FAM219A: variants seen among roughly 807,000 people sequenced by gnomAD.
The protein encoded by FAM219A is family with sequence similarity 219 member A.
FAM219A carries 7 observed loss-of-function variants against 23.4 expected under a neutral mutation model. The observed-to-expected ratio is 0.30, with a 90% CI of 0.17 to 0.56. The LOEUF is 0.56. FAM219A is among the 20% of genes least tolerant of loss of function. The probability of loss-of-function intolerance (pLI) is 0.92; values close to 1 mark genes in which losing one functional copy is unlikely to be tolerated. For synonymous variants in FAM219A, 93 were observed against 99.0 expected (o/e 0.94, Z 0.36); for missense variants, 166 against 246.9 (o/e 0.67, Z 2.20).
chr9:34,407,166 G>A (rs940849649), intron 1 of FAM219A, among the ~76,000 whole-genome samples: 3 of 151,962 alleles, frequency 2.0e-5, no homozygotes, highest in Admixed American at 6.6e-5. Context: ...ATCCAGGGCC[G>A]TGCAAGTGGC....
intron 1 of FAM219A, among the ~76,000 whole-genome samples, chr9:34,415,996 G>A (rs988818680): frequency 6.6e-6 from 1 of 151,846 alleles, no homozygotes. Flanking sequence ...AGGCAAGATA[G>A]CAAGAAGGTG....
intron 1 of FAM219A, among the ~76,000 whole-genome samples, 164 bp from the exon 2 acceptor site, chr9:34,406,128 G>A (rs141274394): frequency 7.9e-4 from 121 of 152,300 alleles, no homozygotes; most frequent in African/African-American, 2.8e-3. Context: ...CCCATCTACC[G>A]TGGGACAAAA....
chr9:34,416,813 T>TC, intron 1 of FAM219A, among the ~76,000 whole-genome samples: 1 of 131,756 alleles, frequency 7.6e-6, no homozygotes, highest in Non-Finnish European at 1.8e-5. Context: ...TCTCCATTTT[T>TC]TTTTTTTTTT....
chr9:34,415,245 A>G (rs929143496), intron 1 of FAM219A, among the ~76,000 whole-genome samples: 1 of 152,200 alleles, frequency 6.6e-6, no homozygotes, highest in African/African-American at 2.4e-5. Flanking sequence ...GTTCACCAAA[A>G]AGAAATGGGA....
chr9:34,432,819 C>G (rs77105300), intron 1 of FAM219A, among the ~76,000 whole-genome samples: 2,367 of 152,196 alleles, frequency 0.016, 55 homozygotes, highest in African/African-American at 0.052. Flanking sequence ...AAAAATGGGG[C>G]AGGGGCGGTG....
intron 1 of FAM219A, among the ~76,000 whole-genome samples, chr9:34,416,222 A>AGAAG (rs1822004454): frequency 7.5e-6 from 1 of 132,714 alleles, no homozygotes; most frequent in African/African-American, 2.9e-5. Context: ...AAAGAAAGAA[A>AGAAG]GAAAGAAAGA....
At chr9:34,452,960 A>G (rs1823608251) in intron 1 of FAM219A, among the ~76,000 whole-genome samples, 1 of 152,158 alleles carries the variant, frequency 6.6e-6, no homozygotes, top group African/African-American at 2.4e-5. Context: ...ATTCTGTGCT[A>G]TTGAGCCCAG....
intron 1 of FAM219A, among the ~76,000 whole-genome samples, chr9:34,427,771 T>C (rs1341307026): frequency 1.3e-4 from 20 of 152,212 alleles, no homozygotes; most frequent in Admixed American, 1.3e-3. Context: ...CATTTTGTGC[T>C]CTTTGTAGGA....
intron 1 of FAM219A, among the ~76,000 whole-genome samples, chr9:34,415,341 T>TTAC (rs1821962929): frequency 6.6e-6 from 1 of 152,232 alleles, no homozygotes; most frequent in Admixed American, 6.5e-5. Context: ...AAACAGCTGC[T>TTAC]AGTATAGAAT....
In FAM219A at chr9:34,434,832, T is replaced by C. The variant is rs149846423; in HGVS notation, c.60+23372A>G. On this transcript the variant is annotated intron_variant, in intron 1 of 5. Coordinates refer to ENST00000651358, the MANE Select transcript of FAM219A (RefSeq NM_001184940.2). ...GATGGTTTTCTTTCTTTCTTTCTTT[T>C]TTTTTGAGACAGAGTCTCACTCTGT... Among the ~76,000 whole-genome samples, 1,258 of 152,222 alleles carry C rather than the reference T, an allele frequency of 8.3e-3. 15 individuals are homozygous for C. Among genetic ancestry groups the C allele is most frequent in the African/African-American group, 0.027 (1,118 of 41,494 alleles).
At chr9:34,407,763 G>C (rs1821690151) in intron 1 of FAM219A, among the ~76,000 whole-genome samples, 1 of 152,252 alleles carries the variant, frequency 6.6e-6, no homozygotes, top group Admixed American at 6.5e-5. Flanking sequence ...ATCCAAGGCT[G>C]CTGCCTGTTC....
intron 1 of FAM219A, among the ~76,000 whole-genome samples, chr9:34,438,328 C>T (rs1013682154): frequency 7.2e-5 from 11 of 152,346 alleles, no homozygotes; most frequent in South Asian, 2.1e-4. Flanking sequence ...CTGAGGAGTG[C>T]GGGCGCATGG....
At chr9:34,451,910 A>G (rs1404386864) in intron 1 of FAM219A, among the ~76,000 whole-genome samples, 3 of 152,198 alleles carry the variant, frequency 2.0e-5, no homozygotes, top group African/African-American at 4.8e-5. Flanking sequence ...GACATCTTGC[A>G]GTGATGTAGT....
intron 1 of FAM219A, among the ~76,000 whole-genome samples, chr9:34,453,959 G>C (rs879854681): frequency 7.9e-5 from 12 of 152,192 alleles, no homozygotes; most frequent in Non-Finnish European, 1.3e-4. Flanking sequence ...TGGGCTGCTG[G>C]GAACTTCTCT....
chr9:34,416,273 G>GGGAAGGAAGGAAGGAAGGAAGGAA lies in FAM219A; in HGVS notation c.61-10333_61-10310dup, dbSNP rs74180565. On this transcript the variant is annotated intron_variant, in intron 1 of 5. Coordinates refer to ENST00000651358, the MANE Select transcript of FAM219A (RefSeq NM_001184940.2). ...AAAGAAAGAAAGGGGGAGGGAGGGA[G>GGGAAGGAAGGAAGGAAGGAAGGAA]GGAAGGAAGGAAGGAAGGAAGGAAG... Among the ~76,000 whole-genome samples, 222 of 114,162 alleles carry GGGAAGGAAGGAAGGAAGGAAGGAA rather than the reference G, an allele frequency of 1.9e-3. 5 individuals carry two copies. The highest frequency in any genetic ancestry group is 4.9e-3 in the African/African-American group (140 of 28,498). The allele number at this position is 114,162 out of a possible 152,430, so 74.9% of individuals were successfully genotyped here.
chr9:34,433,340 C>T (rs1822783927), intron 1 of FAM219A, among the ~76,000 whole-genome samples: 1 of 152,082 alleles, frequency 6.6e-6, no homozygotes, highest in South Asian at 2.1e-4. Flanking sequence ...TAATCATGAA[C>T]CTAGAAGGTT....
At chr9:34,435,153 C>T (rs968477634) in intron 1 of FAM219A, among the ~76,000 whole-genome samples, 1 of 152,076 alleles carries the variant, frequency 6.6e-6, no homozygotes, top group Non-Finnish European at 1.5e-5. Flanking sequence ...CAAAGAAATG[C>T]CCTGCCTCCT....
intron 1 of FAM219A, among the ~76,000 whole-genome samples, chr9:34,454,273 T>C (rs1823658525): frequency 6.6e-6 from 1 of 152,120 alleles, no homozygotes; most frequent in Non-Finnish European, 1.5e-5. Context: ...CTGTCTCTAC[T>C]AAAAATACAA....
intron 5 of FAM219A, 140 bp downstream of exon 5, chr9:34,401,526 C>A: frequency 1.1e-6 from 1 of 944,834 alleles, no homozygotes; most frequent in Non-Finnish European, 1.6e-6. Context: ...CATCCTATCC[C>A]AGGCCCACCC....
Sources: gnomAD v4.1 joint callset for allele counts (sites outside exome capture counted in the v4.1 genomes callset) on GRCh38, gnomAD v4.1.1 for gene constraint, MANE v1.5 for transcripts, NCBI Gene and HGNC (gene_info 2026-07-23, HGNC 2026-07-21) for gene names.